The following STOX2 variants were observed in gnomAD, a reference collection of about 807,000 sequenced individuals.
The protein encoded by STOX2 is storkhead-box protein 2.
STOX2 carries 28 observed loss-of-function variants against 60.9 expected under a neutral mutation model. The ratio of observed to expected loss-of-function variants is 0.46; its 90% CI spans 0.34 to 0.63. The LOEUF (loss-of-function observed/expected upper bound fraction) is 0.63. Ranked by LOEUF, STOX2 falls within the 30% of genes least tolerant of loss-of-function variation. The pLI is 0.01. For missense variants in STOX2, 1,024 were observed against 1,187.7 expected (o/e 0.86, Z 2.03); for synonymous variants, 472 against 463.9 (o/e 1.02, Z -0.22).
At chr4:183,924,394 C>T (rs1273837699) in intron 1 of STOX2, among the ~76,000 whole-genome samples, 1 of 152,016 alleles carries the variant, frequency 6.6e-6, no homozygotes, top group Non-Finnish European at 1.5e-5. Flanking sequence ...TCTGAGGAGG[C>T]ACAGGAGCCC....
intron 1 of STOX2, among the ~76,000 whole-genome samples, chr4:183,941,222 T>C (rs1214424534): frequency 6.6e-6 from 1 of 152,180 alleles, no homozygotes; most frequent in Non-Finnish European, 1.5e-5. Flanking sequence ...ATAATATTCA[T>C]TCTTACTCAT....
At chr4:183,967,951 G>A (rs1743627560) in intron 1 of STOX2, among the ~76,000 whole-genome samples, 1 of 152,198 alleles carries the variant, frequency 6.6e-6, no homozygotes, top group Admixed American at 6.5e-5. Context: ...CTGAACACCG[G>A]ATCGGTACAC....
intron 2 of STOX2, among the ~76,000 whole-genome samples, chr4:184,006,952 C>G (rs1336415116): frequency 5.9e-4 from 75 of 126,502 alleles, no homozygotes; most frequent in Admixed American, 3.4e-3. Context: ...GGAGGCGGAG[C>G]TTGCAGTGAG....
intron 1 of STOX2, among the ~76,000 whole-genome samples, chr4:183,807,068 G>T (rs1303703820): frequency 1.3e-5 from 2 of 152,022 alleles, no homozygotes; most frequent in Non-Finnish European, 2.9e-5. Context: ...CGTCTCCCGG[G>T]TTCACGCCAT....
chr4:183,855,383 G>A (rs981773688), intron 1 of STOX2, among the ~76,000 whole-genome samples: 7 of 152,152 alleles, frequency 4.6e-5, no homozygotes, highest in African/African-American at 1.2e-4. Context: ...GAAAGGGGCC[G>A]TGAGCCTTTC....
At chr4:183,970,181 T>TGTGTGTGTGG (rs779582388) in intron 1 of STOX2, among the ~76,000 whole-genome samples, 8 of 136,408 alleles carry the variant, frequency 5.9e-5, no homozygotes, top group African/African-American at 1.7e-4. Flanking sequence ...TGTGTGTGTG[T>TGTGTGTGTGG]GGGGTTCCAG....
In STOX2 at chr4:184,010,673, C is replaced by G; in HGVS notation, c.1835C>G (p.Thr612Arg). The G allele has an allele frequency of 6.2e-7, 1 of 1,613,692 alleles. No homozygotes were observed. The highest frequency in any genetic ancestry group is 8.5e-7 in the Non-Finnish European group (1 of 1,179,754). The change falls in exon 3 of 4, where the codon ACG becomes AGG. Residue 612 changes from threonine to arginine, a missense_variant. By Grantham distance (71) the Thr-to-Arg change is moderately conservative (BLOSUM62 -1). This residue lies in a region of STOX2 where 922 missense variants were observed against 1,058.3 expected (regional missense o/e 0.87). Coordinates refer to ENST00000308497, the MANE Select transcript of STOX2 (RefSeq NM_020225.3). This position sits in a 1 kb window ranked among gnomAD's most constrained non-coding sequence, Gnocchi z 4.5. Reference protein sequence around the residue: ...QCNTSSETVLTAPSPLGKNKE... With the variant: ...QCNTSSETVLRAPSPLGKNKE... ...AACACCTCTAGTGAGACGGTGCTCA[C>G]GGCACCATCACCTCTGGGAAAGAAT...
At chr4:183,935,917 G>T (rs1447619707) in intron 1 of STOX2, among the ~76,000 whole-genome samples, 1 of 152,176 alleles carries the variant, frequency 6.6e-6, no homozygotes, top group Non-Finnish European at 1.5e-5. Context: ...TGGAAAACCT[G>T]ATATACAGTA....
At chr4:183,816,661 T>A (rs79042724) in intron 1 of STOX2, among the ~76,000 whole-genome samples, 3,454 of 152,122 alleles carry the variant, frequency 0.023, 98 homozygotes, top group East Asian at 0.13. Flanking sequence ...AAAAAAAAAT[T>A]CAAAAAAATT....
chr4:183,828,400 A>G (rs994624640), intron 1 of STOX2, among the ~76,000 whole-genome samples: 1 of 152,070 alleles, frequency 6.6e-6, no homozygotes, highest in Non-Finnish European at 1.5e-5. Flanking sequence ...ATGTGTTTAG[A>G]TTCTTCAGTC....
Position 183,993,198 on chromosome 4 carries a change from GC to G in STOX2, c.167-8126del, listed in dbSNP as rs1261530998. 5.3e-5 allele frequency among the ~76,000 whole-genome samples: 8 copies of G among 152,314 alleles called. No homozygotes were observed. In the East Asian group the frequency reaches 1.2e-3, roughly 22 times the overall value. ...TCTGTCTCTATTTATTCTGTGATAA[GC>G]TTTTACCTGTAGTCAAATCTCAGTA... On this transcript the variant is annotated intron_variant, in intron 1 of 3. Transcript: ENST00000308497.
chr4:183,998,743 T>C (rs1301685685), intron 1 of STOX2, among the ~76,000 whole-genome samples: 1 of 152,208 alleles, frequency 6.6e-6, no homozygotes, highest in Non-Finnish European at 1.5e-5. Flanking sequence ...GGTCTCATCA[T>C]GTTGCCCAGG....
At chr4:183,932,720 A>AAGT (rs1402757246) in intron 1 of STOX2, among the ~76,000 whole-genome samples, 1 of 61,960 alleles carries the variant, frequency 1.6e-5, no homozygotes, top group Non-Finnish European at 3.1e-5. Context: ...GCCTTGTGAA[A>AAGT]AGTAGCATGG....
chr4:184,009,443 G>T lies in STOX2; in HGVS notation c.605G>T (p.Cys202Phe). The change falls in exon 3 of 4, where the codon TGC (cysteine) becomes TTC (phenylalanine). Residue 202 changes from cysteine to phenylalanine, a missense_variant. This residue lies in a region of STOX2 where 922 missense variants were observed against 1,058.3 expected (regional missense o/e 0.87). Transcript: ENST00000308497. The surrounding 1 kb of genome is among the most constrained non-coding windows in gnomAD (Gnocchi z 4.0). ...PRNHCDSCHC[C>F]REDVHSTHAP... is the part of the protein sequence containing the mutation. ...AACCACTGCGACTCTTGCCACTGCT[G>T]CAGAGAAGACGTGCACAGCACGCAT... 1 of 1,614,042 alleles carries T rather than the reference G, an allele frequency of 6.2e-7. No homozygotes were observed.
rs576028683 is a variant in STOX2, at chr4:183,869,744, A to G, written c.364+71689A>G. On this transcript the variant is annotated intron_variant, in intron 1 of 2. Transcript: ENST00000513034. ...TGAGATTCTGTAACTGTGTAAGTAG[A>G]AACAATCAGTGACTATTTAAAGCTA... is the stretch of plus-strand genomic sequence containing the variant. Among the ~76,000 whole-genome samples the G allele has an allele frequency of 1.1e-4, 17 of 152,342 alleles. No homozygotes were observed. The South Asian group carries it at 3.1e-3, about 28-fold the overall frequency.
At chr4:183,990,598 TTTTTTTTTTTTTTTTTTG>T (rs1429101774) in intron 1 of STOX2, among the ~76,000 whole-genome samples, 1 of 83,234 alleles carries the variant, frequency 1.2e-5, no homozygotes, top group Non-Finnish European at 3.1e-5. Context: ...TTTTTTTTTT[TTTTTTTTTTTTTTTTTTG>T]GTCATAGAGA....
At chr4:183,956,366 A>T (rs1171989272) in intron 1 of STOX2, among the ~76,000 whole-genome samples, 1 of 43,060 alleles carries the variant, frequency 2.3e-5, no homozygotes, top group African/African-American at 1.6e-4. Context: ...CATTTGTTCT[A>T]TCTATCTATC....
chr4:184,010,960 C>G lies in STOX2; in HGVS notation c.2122C>G (p.His708Asp). Residue 708 changes from histidine to aspartate, a missense_variant, in exon 3 of 4, where the codon CAC (histidine) becomes GAC (aspartate). His to Asp is a moderately conservative substitution (Grantham distance 81). Around this residue, in one of 3 missense-constraint regions of STOX2, gnomAD observed 922 missense variants for 1,058.3 expected, o/e 0.87. Coordinates refer to ENST00000308497, the MANE Select transcript of STOX2 (RefSeq NM_020225.3). This position sits in a 1 kb window ranked among gnomAD's most constrained non-coding sequence, Gnocchi z 4.5. ...FSKDTLFKPL[H>D]STLSVNSYHK... ...CAAAGACACACTGTTCAAACCTCTT[C>G]ACAGCACCTTGTCTGTAAACAGCTA... 6.2e-7 allele frequency: 1 copy of G among 1,613,428 alleles called. No individual in the cohort carries two copies. The highest frequency in any genetic ancestry group is 1.1e-5 in the South Asian group (1 of 90,946).
chr4:183,938,204 C>T (rs1358178717), intron 1 of STOX2, among the ~76,000 whole-genome samples: 2 of 152,156 alleles, frequency 1.3e-5, no homozygotes, highest in Non-Finnish European at 2.9e-5. Flanking sequence ...AATCTTCTTC[C>T]ATTCTCCTTA....
Sources: allele counts gnomAD v4.1 joint callset (sites outside exome capture counted in the v4.1 genomes callset), GRCh38; gene constraint gnomAD v4.1.1; regional missense constraint gnomAD v4.1.1; non-coding constraint Gnocchi (gnomAD v3.1); transcripts MANE v1.5; gene names NCBI Gene and HGNC (gene_info 2026-07-23, HGNC 2026-07-21).